The following CLSTN2 variants were observed in gnomAD, a reference collection of about 807,000 sequenced individuals.
The protein encoded by CLSTN2 is calsyntenin-2.
In CLSTN2, 48 loss-of-function variants were observed where a neutral mutation model predicts 101.2. The ratio of observed to expected loss-of-function variants is 0.47; its 90% CI spans 0.38 to 0.60. CLSTN2 has a LOEUF of 0.60. CLSTN2 is among the 20% of genes least tolerant of loss of function. CLSTN2 has a pLI of 0.00. For synonymous variants in CLSTN2, 481 were observed against 463.6 expected (o/e 1.04, Z -0.48); for missense variants, 1,160 against 1,238.2 (o/e 0.94, Z 0.95).
At chr3:140,307,869 T>C (rs1333907606) in intron 2 of CLSTN2, among the ~76,000 whole-genome samples, 2 of 152,202 alleles carry the variant, frequency 1.3e-5, no homozygotes, top group East Asian at 1.9e-4. Context: ...CAATTAACAA[T>C]ACATTTCATT....
In CLSTN2 at chr3:140,566,264, T is replaced by C; in HGVS notation, c.*11T>C. 6.4e-7 allele frequency: 1 copy of C among 1,554,818 alleles called. No individual in the cohort carries two copies. The highest frequency in any genetic ancestry group is 8.7e-7 in the Non-Finnish European group (1 of 1,149,318). On this transcript the variant is annotated 3_prime_UTR_variant, in exon 17 of 17. Coordinates refer to ENST00000458420, the MANE Select transcript of CLSTN2 (RefSeq NM_022131.3). ...ACCCTCCCCTACTAGTGCCCAGGGGTCTGCTGCCTGGCCCACATGTCCCTT... is the reference window on the plus strand; with the variant it reads ...ACCCTCCCCTACTAGTGCCCAGGGGCCTGCTGCCTGGCCCACATGTCCCTT...
chr3:139,953,345 C>A (rs964347113), intron 1 of CLSTN2, among the ~76,000 whole-genome samples: 1 of 152,120 alleles, frequency 6.6e-6, no homozygotes, highest in Non-Finnish European at 1.5e-5. Context: ...GTACACCACA[C>A]CCCTGTGACA....
rs17348572 is a variant in CLSTN2, at chr3:140,459,539, T to C, written c.992T>C (p.Ile331Thr). Reference protein sequence around the residue: ...QKLCGASSGIIDLLPSPSAAT... With the variant: ...QKLCGASSGITDLLPSPSAAT... ...TCTGCAGGAGCCTCCTCTGGCATCA[T>C]TGACCTCTTGCCATCCCCTAGCGCT... Residue 331 changes from isoleucine to threonine, a missense_variant, in exon 7 of 17, where the codon ATT becomes ACT. By Grantham distance (89) the Ile-to-Thr change is moderately conservative. Transcript: ENST00000458420. 79,803 of 1,613,962 alleles carry C rather than the reference T, an allele frequency of 0.049. 2,107 individuals carry two copies. Among genetic ancestry groups the C allele is most frequent in the Non-Finnish European group, 0.055 (64,753 of 1,179,874 alleles).
rs368480256 is a variant in CLSTN2 at position 140,421,420 on chromosome 3, CA to C, written c.787+148del. 3 of 981,300 alleles carry C rather than the reference CA, an allele frequency of 3.1e-6. No homozygotes were observed. In the African/African-American group the frequency reaches 4.9e-5, roughly 16 times the overall value. The allele number at this position is 981,300 out of a possible 1,614,324, so 60.8% of individuals were successfully genotyped here. A position where few individuals can be genotyped will look rare whatever the true frequency, so the allele number is the denominator to read the frequency against. ...AAATAAAGTAGCTTGCTTATTCTCA[CA>C]ACTCTTAGGTGATATATTATCCCCA... On this transcript the variant is annotated intron_variant, in intron 5 of 16. Coordinates refer to ENST00000458420, the MANE Select transcript of CLSTN2 (RefSeq NM_022131.3).
chr3:140,162,086 A>G (rs2010056010), intron 1 of CLSTN2, among the ~76,000 whole-genome samples: 1 of 152,190 alleles, frequency 6.6e-6, no homozygotes. Context: ...GGCTTAATAG[A>G]AGACAGCTGG....
At chr3:140,437,745 G>A (rs2088702811) in intron 5 of CLSTN2, among the ~76,000 whole-genome samples, 1 of 152,150 alleles carries the variant, frequency 6.6e-6, no homozygotes, top group South Asian at 2.1e-4. Flanking sequence ...GTGGCAATTG[G>A]ACTGCCATGA....
intron 1 of CLSTN2, among the ~76,000 whole-genome samples, chr3:140,001,298 G>A (rs946778588): frequency 6.6e-6 from 1 of 151,620 alleles, no homozygotes; most frequent in East Asian, 1.9e-4. Flanking sequence ...CTTTAGCATT[G>A]CTATCTACTA....
chr3:140,034,814 A>G (rs552395169), intron 1 of CLSTN2, among the ~76,000 whole-genome samples: 1 of 152,356 alleles, frequency 6.6e-6, no homozygotes, highest in South Asian at 2.1e-4. Context: ...CAAATTTCTC[A>G]TCCATAAAGT....
At chr3:140,356,789 CAAACATACA>C (rs1023761682) in intron 2 of CLSTN2, among the ~76,000 whole-genome samples, 5 of 150,594 alleles carry the variant, frequency 3.3e-5, no homozygotes, top group African/African-American at 9.8e-5. Flanking sequence ...AGAAAAATTC[CAAACATACA>C]GAACATACAG....
In CLSTN2 at chr3:140,448,622, C is replaced by G; in HGVS notation, c.891C>G (p.Ile297Met). ...ATGGAGCCGTGTCTTCCCTCCAGAT[C>G]GTCACAGAGCTGCAGACTAATTACA... ...TCDGAVSSLQIVTELQTNYIG... is the reference protein window; with the variant it reads ...TCDGAVSSLQMVTELQTNYIG... Residue 297 changes from isoleucine to methionine, a missense_variant, in exon 6 of 17, where the codon ATC (isoleucine) becomes ATG (methionine). Coordinates refer to ENST00000458420, the MANE Select transcript of CLSTN2 (RefSeq NM_022131.3). 6.2e-7 allele frequency: 1 copy of G among 1,614,112 alleles called. No individual in the cohort carries two copies. The highest frequency in any genetic ancestry group is 8.5e-7 in the Non-Finnish European group (1 of 1,179,984).
At chr3:139,974,636 T>G (rs2107820523) in intron 1 of CLSTN2, among the ~76,000 whole-genome samples, 1 of 152,244 alleles carries the variant, frequency 6.6e-6, no homozygotes, top group South Asian at 2.1e-4. Context: ...GGCAGGAAGG[T>G]TTTTAACTAA....
intron 1 of CLSTN2, among the ~76,000 whole-genome samples, chr3:140,074,631 A>T (rs544370672): frequency 3.0e-4 from 46 of 152,316 alleles, no homozygotes; most frequent in African/African-American, 1.1e-3. Context: ...TAAGGGAGAG[A>T]TGCTATCATT....
chr3:140,182,330 C>T (rs1247887393), intron 2 of CLSTN2, among the ~76,000 whole-genome samples: 4 of 151,984 alleles, frequency 2.6e-5, no homozygotes, highest in African/African-American at 7.3e-5. Flanking sequence ...AATATTTAGG[C>T]AGTTTATGGA....
intron 1 of CLSTN2, among the ~76,000 whole-genome samples, chr3:140,097,024 C>T (rs2008880284): frequency 6.6e-6 from 1 of 152,132 alleles, no homozygotes; most frequent in Non-Finnish European, 1.5e-5. Context: ...TTGGTTTCTT[C>T]ACTATAAGAA....
At chr3:139,945,980 C>T (rs895233548) in intron 1 of CLSTN2, among the ~76,000 whole-genome samples, 2 of 152,102 alleles carry the variant, frequency 1.3e-5, no homozygotes, top group African/African-American at 2.4e-5. Flanking sequence ...ATTAGATTAA[C>T]CTTTTTAGTG....
At position 139,979,382 on chromosome 3, in the gene CLSTN2, C is replaced by A. The variant is rs1021844204; in HGVS notation, c.109+43899C>A. ...TAAATATTTCCTTGCTCATGGAGCT[C>A]AAAATAACTTTGGTCCATTTCTCAC... On this transcript the variant is annotated intron_variant, in intron 1 of 16. Coordinates refer to ENST00000458420, the MANE Select transcript of CLSTN2 (RefSeq NM_022131.3). Among the ~76,000 whole-genome samples the A allele has an allele frequency of 3.3e-5, 5 of 152,108 alleles. No homozygotes were observed. The East Asian group carries it at 9.6e-4, about 29-fold the overall frequency.
intron 2 of CLSTN2, among the ~76,000 whole-genome samples, chr3:140,320,246 TG>T (rs1427854938): frequency 6.6e-6 from 1 of 152,218 alleles, no homozygotes; most frequent in Admixed American, 6.5e-5. Flanking sequence ...TCACAGACTC[TG>T]GGCACTGGGG....
intron 8 of CLSTN2, among the ~76,000 whole-genome samples, chr3:140,514,903 A>C (rs956192943): frequency 1.3e-5 from 2 of 152,180 alleles, no homozygotes; most frequent in Non-Finnish European, 2.9e-5. Flanking sequence ...TGATTTAGGG[A>C]GGACTCTCTC....
intron 1 of CLSTN2, among the ~76,000 whole-genome samples, chr3:140,061,459 C>G (rs1272289461): frequency 4.6e-5 from 7 of 152,164 alleles, no homozygotes; most frequent in Admixed American, 4.6e-4. Flanking sequence ...TAGGAGACCT[C>G]ATGGCTGTGG....
Sources: gnomAD v4.1 joint callset for allele counts (sites outside exome capture counted in the v4.1 genomes callset) on GRCh38, gnomAD v4.1.1 for gene constraint, MANE v1.5 for transcripts, NCBI Gene and HGNC (gene_info 2026-07-23, HGNC 2026-07-21) for gene names.